Variants in VWC2L observed in about 807,000 individuals in gnomAD.
VWC2L encodes the protein von Willebrand factor C domain containing 2 like.
Under a neutral mutation model 21.6 loss-of-function variants are expected in VWC2L, and 10 were observed. The ratio of observed to expected loss-of-function variants is 0.46; its 90% CI spans 0.29 to 0.78. The LOEUF (loss-of-function observed/expected upper bound fraction) is 0.78. Among genes scored for constraint, VWC2L ranks in the 30% least tolerant of loss-of-function variants. The probability of loss-of-function intolerance (pLI) is 0.10; values close to 1 mark genes in which losing one functional copy is unlikely to be tolerated. For synonymous variants in VWC2L, 96 were observed against 94.3 expected, an observed-to-expected ratio of 1.02 and a Z score of -0.10; for missense variants, 209 against 277.1, an observed-to-expected ratio of 0.75 and a Z score of 1.74.
intron 3 of VWC2L, among the ~76,000 whole-genome samples, chr2:214,545,138 T>C (rs1054628094): frequency 6.6e-6 from 1 of 152,014 alleles, no homozygotes; most frequent in Non-Finnish European, 1.5e-5. Flanking sequence ...CATATAAAAC[T>C]TCGAAGGATT....
At chr2:214,541,765 A>G (rs548748033) in intron 3 of VWC2L, among the ~76,000 whole-genome samples, 29 of 152,284 alleles carry the variant, frequency 1.9e-4, no homozygotes, top group African/African-American at 6.3e-4. Flanking sequence ...CACATACACA[A>G]TCACAGAGCT....
chr2:214,546,652 A>G (rs1559326645), intron 3 of VWC2L, among the ~76,000 whole-genome samples: 1 of 152,118 alleles, frequency 6.6e-6, no homozygotes, highest in Non-Finnish European at 1.5e-5. Flanking sequence ...TTGTCATATG[A>G]TTTCTATTAT....
At chr2:214,545,017 T>C (rs574197904) in intron 3 of VWC2L, among the ~76,000 whole-genome samples, 1 of 152,284 alleles carries the variant, frequency 6.6e-6, no homozygotes, top group East Asian at 1.9e-4. Context: ...AACTACAAAG[T>C]CTTTTAGGTT....
intron 3 of VWC2L, among the ~76,000 whole-genome samples, chr2:214,444,907 C>T (rs765574802): frequency 6.6e-5 from 10 of 151,788 alleles, no homozygotes; most frequent in African/African-American, 9.7e-5. Flanking sequence ...CAAATCATAA[C>T]GGTATGTTGA....
intron 3 of VWC2L, among the ~76,000 whole-genome samples, chr2:214,508,021 G>T (rs1199741785): frequency 6.6e-6 from 1 of 151,994 alleles, no homozygotes; most frequent in Non-Finnish European, 1.5e-5. Context: ...CTGTCGCCCA[G>T]GCTGGAGTGC....
chr2:214,451,954 C>G lies in VWC2L; in HGVS notation c.520+15196C>G, dbSNP rs145366309. Among the ~76,000 whole-genome samples, 7 of 152,234 alleles carry G rather than the reference C, an allele frequency of 4.6e-5. No homozygotes were observed. The East Asian group carries it at 1.4e-3, about 29-fold the overall frequency. On this transcript the variant is annotated intron_variant, in intron 3 of 3. Transcript: ENST00000312504. ...ATACCTGTGAAACTATTGTCATAATCAAGATAATACACATATTCATCACTC... is the reference window on the plus strand; with the variant it reads ...ATACCTGTGAAACTATTGTCATAATGAAGATAATACACATATTCATCACTC...
intron 3 of VWC2L, among the ~76,000 whole-genome samples, 165 bp downstream of exon 3, chr2:214,436,923 C>G (rs933302513): frequency 6.6e-6 from 1 of 152,104 alleles, no homozygotes; most frequent in African/African-American, 2.4e-5. Context: ...GAAAATAAAC[C>G]TGCAGTGGGT....
At chr2:214,486,476 C>G (rs1391353684) in intron 3 of VWC2L, among the ~76,000 whole-genome samples, 1 of 152,122 alleles carries the variant, frequency 6.6e-6, no homozygotes, top group Non-Finnish European at 1.5e-5. Context: ...AACAGACTAT[C>G]TTCTTTATCT....
chr2:214,520,438 T>C (rs1043824820), intron 3 of VWC2L, among the ~76,000 whole-genome samples: 9 of 152,184 alleles, frequency 5.9e-5, no homozygotes, highest in African/African-American at 2.2e-4. Flanking sequence ...ATTTCTATAC[T>C]CTGGTTTTTA....
intron 3 of VWC2L, among the ~76,000 whole-genome samples, chr2:214,480,295 CCT>C (rs1196633703): frequency 6.6e-6 from 1 of 152,028 alleles, no homozygotes; most frequent in African/African-American, 2.4e-5. Flanking sequence ...CTAGAAAAAA[CCT>C]AAAGTCCCAG....
At chr2:214,473,436 C>T (rs1703339307) in intron 3 of VWC2L, among the ~76,000 whole-genome samples, 1 of 152,140 alleles carries the variant, frequency 6.6e-6, no homozygotes, top group African/African-American at 2.4e-5. Flanking sequence ...TTCAAAGACC[C>T]AGCTCCCATG....
chr2:214,515,500 G>C (rs1175841036), intron 3 of VWC2L, among the ~76,000 whole-genome samples: 1 of 152,144 alleles, frequency 6.6e-6, no homozygotes, highest in Non-Finnish European at 1.5e-5. Flanking sequence ...AGGGTCCAAA[G>C]AAAACAAGTG....
intron 2 of VWC2L, among the ~76,000 whole-genome samples, chr2:214,423,280 A>G (rs1702470639): frequency 1.3e-5 from 2 of 152,152 alleles, no homozygotes; most frequent in South Asian, 4.1e-4. Context: ...TGACCATAGA[A>G]TTTTAGATCT....
chr2:214,503,969 T>C (rs1034614624), intron 3 of VWC2L, among the ~76,000 whole-genome samples: 1 of 98,898 alleles, frequency 1.0e-5, no homozygotes, highest in African/African-American at 3.0e-5. Flanking sequence ...GGAGCACAAT[T>C]TGTTGACTAT....
chr2:214,519,486 A>G (rs748012123), intron 3 of VWC2L, among the ~76,000 whole-genome samples: 7 of 152,222 alleles, frequency 4.6e-5, no homozygotes, highest in Non-Finnish European at 7.3e-5. Flanking sequence ...CTTTGCCCAC[A>G]TTGGAAACCA....
At chr2:214,479,064 C>A (rs1688565417) in intron 3 of VWC2L, among the ~76,000 whole-genome samples, 1 of 152,218 alleles carries the variant, frequency 6.6e-6, no homozygotes, top group Admixed American at 6.5e-5. Context: ...CCCCTCCTCA[C>A]TCTCACACAC....
intron 3 of VWC2L, among the ~76,000 whole-genome samples, chr2:214,479,799 T>C (rs1363850172): frequency 6.6e-6 from 1 of 152,120 alleles, no homozygotes; most frequent in Non-Finnish European, 1.5e-5. Flanking sequence ...CTCAAAATAA[T>C]AATAATCTGG....
At position 214,428,007 on chromosome 2, in the gene VWC2L, T is replaced by A. The variant is rs566818318; in HGVS notation, c.391-8622T>A. On this transcript the variant is annotated intron_variant, in intron 2 of 3. Coordinates refer to ENST00000312504, the MANE Select transcript of VWC2L (RefSeq NM_001080500.4). ...GACTGTATGTTTTACAAATTCAACATTTCAAATAATTCACAATGAATATCA... is the reference window on the plus strand; with the variant it reads ...GACTGTATGTTTTACAAATTCAACAATTCAAATAATTCACAATGAATATCA... Among the ~76,000 whole-genome samples, 37 of 152,282 alleles carry A rather than the reference T, an allele frequency of 2.4e-4. No homozygotes were observed. The South Asian group carries it at 7.5e-3, about 31-fold the overall frequency.
chr2:214,446,612 C>CAAAAT (rs1702841434), intron 3 of VWC2L, among the ~76,000 whole-genome samples: 1 of 152,122 alleles, frequency 6.6e-6, no homozygotes, highest in Non-Finnish European at 1.5e-5. Flanking sequence ...GGAAGGCTAA[C>CAAAAT]GTGCAAAATT....
Sources: allele counts gnomAD v4.1 joint callset (sites outside exome capture counted in the v4.1 genomes callset), GRCh38; gene constraint gnomAD v4.1.1; transcripts MANE v1.5; gene names NCBI Gene and HGNC (gene_info 2026-07-23, HGNC 2026-07-21).